The following DISC1 variants were observed in gnomAD, a reference collection of about 807,000 sequenced individuals.
DISC1 encodes DISC1 scaffold protein.
A neutral mutation model predicts 84.5 loss-of-function variants in DISC1; 57 were observed. The ratio of observed to expected loss-of-function variants is 0.67; its 90% CI spans 0.55 to 0.84. DISC1 has a LOEUF of 0.84. Ranked by LOEUF, DISC1 falls within the 40% of genes least tolerant of loss-of-function variation. The pLI, the probability that DISC1 is intolerant of heterozygous loss-of-function variation, is 0.00. For synonymous variants in DISC1, 411 were observed against 415.2 expected, an observed-to-expected ratio of 0.99 and a Z score of 0.12; for missense variants, 1,000 against 1,057.8, an observed-to-expected ratio of 0.95 and a Z score of 0.76.
chr1:231,891,378 T>TA (rs2087203478), intron 9 of DISC1, among the ~76,000 whole-genome samples: 1 of 152,206 alleles, frequency 6.6e-6, no homozygotes, highest in South Asian at 2.1e-4. Context: ...GTAAGACCAA[T>TA]AGATCAGGAG....
chr1:231,850,023 A>G (rs550270777), intron 9 of DISC1, among the ~76,000 whole-genome samples: 2 of 152,284 alleles, frequency 1.3e-5, no homozygotes, highest in African/African-American at 4.8e-5. Context: ...GTGTCACTAA[A>G]TCTCTGCTTG....
At chr1:231,879,557 G>A (rs1016335013) in intron 9 of DISC1, among the ~76,000 whole-genome samples, 1 of 151,664 alleles carries the variant, frequency 6.6e-6, no homozygotes, top group Non-Finnish European at 1.5e-5. Flanking sequence ...ACCTGTGGGG[G>A]CTGTGATGGT....
chr1:231,663,363 C>T (rs1298070714), intron 1 of DISC1, among the ~76,000 whole-genome samples: 2 of 152,188 alleles, frequency 1.3e-5, no homozygotes, highest in African/African-American at 4.8e-5. Flanking sequence ...ACTCTGCAAT[C>T]AAATGCCTGA....
intron 10 of DISC1, among the ~76,000 whole-genome samples, chr1:232,006,304 T>C (rs1268330506): frequency 6.6e-6 from 1 of 152,174 alleles, no homozygotes; most frequent in Non-Finnish European, 1.5e-5. Flanking sequence ...GTGGGAAAGT[T>C]TGTAACTTCC....
intron 10 of DISC1, among the ~76,000 whole-genome samples, chr1:232,003,615 C>T (rs1666981269): frequency 6.6e-6 from 1 of 152,078 alleles, no homozygotes; most frequent in South Asian, 2.1e-4. Context: ...CCTTCACTTT[C>T]CATTCAGTGA....
intron 1 of DISC1, among the ~76,000 whole-genome samples, chr1:231,660,078 C>T (rs576773280): frequency 8.0e-4 from 122 of 152,240 alleles, no homozygotes; most frequent in Non-Finnish European, 1.2e-3. Context: ...TTGTTAAAGT[C>T]TCCCACTATT....
chr1:231,849,055 C>A (rs2083670868), intron 9 of DISC1, among the ~76,000 whole-genome samples: 1 of 151,808 alleles, frequency 6.6e-6, no homozygotes, highest in Admixed American at 6.6e-5. Flanking sequence ...TTTGTACCTG[C>A]TGAGCTTCTT....
At chr1:231,952,905 C>A (rs1457448725) in intron 9 of DISC1, among the ~76,000 whole-genome samples, 1 of 152,008 alleles carries the variant, frequency 6.6e-6, no homozygotes, top group African/African-American at 2.4e-5. Flanking sequence ...AATTTAGTGT[C>A]TTTGAACACC....
chr1:231,769,432 C>T (rs972008907), intron 5 of DISC1, among the ~76,000 whole-genome samples: 2 of 152,220 alleles, frequency 1.3e-5, no homozygotes. Context: ...AGATATTAGT[C>T]TCGGAAGGAA....
chr1:231,817,168 T>C (rs2081089545), intron 8 of DISC1, among the ~76,000 whole-genome samples: 1 of 152,210 alleles, frequency 6.6e-6, no homozygotes, highest in African/African-American at 2.4e-5. Context: ...CGCTGCAACC[T>C]ACACCTCCTG....
intron 1 of DISC1, among the ~76,000 whole-genome samples, chr1:231,648,421 G>C (rs1473422750): frequency 6.6e-6 from 1 of 152,198 alleles, no homozygotes; most frequent in Non-Finnish European, 1.5e-5. Flanking sequence ...CCTGATCATG[G>C]TGGATAAGCT....
intron 10 of DISC1, among the ~76,000 whole-genome samples, chr1:231,960,221 C>T (rs369861902): frequency 3.3e-5 from 5 of 152,044 alleles, no homozygotes; most frequent in South Asian, 2.1e-4. Flanking sequence ...GTAGTAGGCA[C>T]GCATTAGTTT....
intron 10 of DISC1, among the ~76,000 whole-genome samples, chr1:231,969,743 T>C (rs2102813930): frequency 6.6e-6 from 1 of 151,856 alleles, no homozygotes. Flanking sequence ...ATGCTATCCC[T>C]CCCCTCTCCC....
chr1:231,680,442 C>G (rs2125544871), intron 1 of DISC1, among the ~76,000 whole-genome samples: 1 of 152,274 alleles, frequency 6.6e-6, no homozygotes, highest in Admixed American at 6.5e-5. Flanking sequence ...GTTGTTGTAA[C>G]ATCAGCTTAT....
At chr1:231,631,557 T>C (rs2058711415) in intron 1 of DISC1, among the ~76,000 whole-genome samples, 1 of 152,154 alleles carries the variant, frequency 6.6e-6, no homozygotes, top group South Asian at 2.1e-4. Flanking sequence ...ATCCTGACCC[T>C]GGGTAGGCCC....
At chr1:231,908,840 T>C (rs1251977911) in intron 9 of DISC1, among the ~76,000 whole-genome samples, 3 of 152,216 alleles carry the variant, frequency 2.0e-5, no homozygotes, top group Non-Finnish European at 2.9e-5. Context: ...TCCTCTTTTA[T>C]TTTGTTGAGC....
chr1:231,939,099 AC>A (rs1316228777), intron 9 of DISC1, among the ~76,000 whole-genome samples: 3 of 152,176 alleles, frequency 2.0e-5, no homozygotes, highest in African/African-American at 7.2e-5. Context: ...TTGTATGTTT[AC>A]TTACCACTTT....
chr1:231,789,410 C>G (rs1174582685), intron 6 of DISC1, among the ~76,000 whole-genome samples: 2 of 152,200 alleles, frequency 1.3e-5, no homozygotes, highest in African/African-American at 2.4e-5. Context: ...CTTGGCTCGA[C>G]TCAGGTGTGA....
intron 9 of DISC1, among the ~76,000 whole-genome samples, chr1:231,877,075 G>T (rs901201528): frequency 6.6e-6 from 1 of 152,218 alleles, no homozygotes; most frequent in Non-Finnish European, 1.5e-5. Context: ...CAAGTCAGCA[G>T]TCACAAGGAA....
Sources: gnomAD v4.1 joint callset for allele counts (sites outside exome capture counted in the v4.1 genomes callset) on GRCh38, gnomAD v4.1.1 for gene constraint, MANE v1.5 for transcripts, NCBI Gene and HGNC (gene_info 2026-07-23, HGNC 2026-07-21) for gene names.